Variants in LINGO2 observed in about 807,000 individuals in gnomAD.
The protein encoded by LINGO2 is leucine-rich repeat and immunoglobulin-like domain-containing nogo receptor-interacting protein 2.
Under a neutral mutation model 30.6 loss-of-function variants are expected in LINGO2, and 14 were observed. That is an observed-to-expected ratio of 0.46 (90% CI 0.30 to 0.72). The LOEUF is 0.72. Ranked by LOEUF, LINGO2 falls within the 30% of genes least tolerant of loss-of-function variation. The pLI, the probability that LINGO2 is intolerant of heterozygous loss-of-function variation, is 0.07. For missense variants in LINGO2, 729 were observed against 751.7 expected, an observed-to-expected ratio of 0.97 and a Z score of 0.35; for synonymous variants, 317 against 288.5, an observed-to-expected ratio of 1.10 and a Z score of -1.00.
the LINGO2 span, among the ~76,000 whole-genome samples, chr9:28,861,300 T>TATATATTTTATATAATATACTATATATA: frequency 2.3e-5 from 3 of 127,668 alleles, no homozygotes; most frequent in East Asian, 6.2e-4. Flanking sequence ...TTTTATATAT[T>TATATATTTTATATAATATACTATATATA]ATATATTTTA....
chr9:28,405,116 G>T (rs935962015), intron 2 of LINGO2, among the ~76,000 whole-genome samples: 1 of 151,936 alleles, frequency 6.6e-6, no homozygotes, highest in Non-Finnish European at 1.5e-5. Context: ...CCCTGCCAAG[G>T]GATCTTATTG....
chr9:28,215,516 A>C, intron 4 of LINGO2, among the ~76,000 whole-genome samples: 1 of 151,874 alleles, frequency 6.6e-6, no homozygotes, highest in East Asian at 1.9e-4. Flanking sequence ...TGTGGTGCTT[A>C]AATCACATTT....
the LINGO2 span, among the ~76,000 whole-genome samples, chr9:28,856,610 G>C: frequency 6.6e-6 from 1 of 152,022 alleles, no homozygotes; most frequent in African/African-American, 2.4e-5. Flanking sequence ...CTAGAGGAAG[G>C]ATAATGAATG....
the LINGO2 span, among the ~76,000 whole-genome samples, chr9:28,918,237 C>A: frequency 5.3e-5 from 8 of 152,040 alleles, no homozygotes; most frequent in African/African-American, 1.9e-4. Context: ...GATGCAAAAG[C>A]GGAAACCCCT....
chr9:28,391,002 C>A (rs572179948), intron 2 of LINGO2, among the ~76,000 whole-genome samples: 59 of 152,022 alleles, frequency 3.9e-4, no homozygotes, highest in African/African-American at 1.4e-3. Context: ...TGTACTGATC[C>A]AATAATACAC....
At chr9:28,145,505 A>G (rs1325301074) in intron 4 of LINGO2, among the ~76,000 whole-genome samples, 1 of 152,164 alleles carries the variant, frequency 6.6e-6, no homozygotes, top group Non-Finnish European at 1.5e-5. Context: ...TTTGATTTAT[A>G]GTTAGAGTCA....
At chr9:28,847,989 G>A in the LINGO2 span, among the ~76,000 whole-genome samples, 2 of 97,974 alleles carry the variant, frequency 2.0e-5, no homozygotes, top group African/African-American at 4.3e-5. Context: ...GTGTATATAT[G>A]TATATGTACA....
At position 28,233,118 on chromosome 9, in the gene LINGO2, ATGTGTGTGTGTATGTGTGGTCTG is replaced by A. The variant is rs796110719; in HGVS notation, c.-87+62067_-87+62089del. 4.6e-3 allele frequency among the ~76,000 whole-genome samples: 657 copies of A among 142,672 alleles called. 8 individuals are homozygous for A. Among genetic ancestry groups the A allele is most frequent in the African/African-American group, 0.017 (631 of 38,062 alleles). 93.6% of individuals were successfully genotyped at this position (142,672 alleles called of 152,430 possible). A position where few individuals can be genotyped will look rare whatever the true frequency, so the allele number is the denominator to read the frequency against. Reference sequence around the variant, plus strand: ...TAAATATATGTGTGTGGGGGGGTCTATGTGTGTGTGTATGTGTGGTCTGTGTGTGTGTGTGTGCGTATCTGTGT... The same window carrying A: ...TAAATATATGTGTGTGGGGGGGTCTATGTGTGTGTGTGTGCGTATCTGTGT... On this transcript the variant is annotated intron_variant, in intron 4 of 5. Transcript: ENST00000379992.
At chr9:28,433,749 C>T (rs1323047531) in intron 2 of LINGO2, among the ~76,000 whole-genome samples, 1 of 151,886 alleles carries the variant, frequency 6.6e-6, no homozygotes, top group Non-Finnish European at 1.5e-5. Context: ...GTGGAACTAC[C>T]ATTCCATCCA....
At chr9:28,792,492 T>C in the LINGO2 span, among the ~76,000 whole-genome samples, 45 of 152,192 alleles carry the variant, frequency 3.0e-4, no homozygotes, top group African/African-American at 1.0e-3. Flanking sequence ...CTACAGTCTG[T>C]TGTATGCATG....
At chr9:29,190,051 G>GAGGGAGT in the LINGO2 span, among the ~76,000 whole-genome samples, 5 of 141,262 alleles carry the variant, frequency 3.5e-5, no homozygotes, top group East Asian at 1.1e-3. Context: ...GGGAGAGGGA[G>GAGGGAGT]GGGGAGGGGG....
At chr9:28,607,830 T>C (rs1461078959) in intron 1 of LINGO2, among the ~76,000 whole-genome samples, 1 of 152,026 alleles carries the variant, frequency 6.6e-6, no homozygotes, top group African/African-American at 2.4e-5. Context: ...GGCCAACTTA[T>C]GTATCAAGTA....
chr9:28,589,102 C>G (rs529737170), intron 1 of LINGO2, among the ~76,000 whole-genome samples: 13 of 152,136 alleles, frequency 8.5e-5, no homozygotes, highest in East Asian at 3.9e-4. Context: ...ATTCAACAAC[C>G]CTTCATGCTA....
chr9:28,093,340 GC>G (rs1292528186), intron 4 of LINGO2, among the ~76,000 whole-genome samples: 9 of 152,056 alleles, frequency 5.9e-5, no homozygotes, highest in Admixed American at 5.9e-4. Context: ...CTGACAAGGA[GC>G]AAAGGTTTCT....
intron 2 of LINGO2, among the ~76,000 whole-genome samples, chr9:28,376,698 A>C (rs942877108): frequency 6.6e-6 from 1 of 152,196 alleles, no homozygotes; most frequent in Non-Finnish European, 1.5e-5. Flanking sequence ...GATCCCAAGT[A>C]ACTTCCCAAT....
At chr9:28,980,105 T>G in the LINGO2 span, among the ~76,000 whole-genome samples, 28 of 152,116 alleles carry the variant, frequency 1.8e-4, no homozygotes, top group Non-Finnish European at 2.5e-4. Flanking sequence ...GCAAATCCAT[T>G]TTCTGAATCC....
chr9:27,988,373 G>C (rs1276944241), intron 5 of LINGO2, among the ~76,000 whole-genome samples: 1 of 151,962 alleles, frequency 6.6e-6, no homozygotes, highest in Non-Finnish European at 1.5e-5. Context: ...CCAGTAATGG[G>C]ATGGCTGGGT....
chr9:27,955,935 C>CTTTTTTT (rs532878364), intron 5 of LINGO2, among the ~76,000 whole-genome samples: 5 of 106,772 alleles, frequency 4.7e-5, no homozygotes, highest in South Asian at 3.4e-4. Flanking sequence ...TGGATACTGA[C>CTTTTTTT]TTTTTTTTTT....
the LINGO2 span, among the ~76,000 whole-genome samples, chr9:29,079,675 C>G: frequency 6.6e-6 from 1 of 151,860 alleles, no homozygotes; most frequent in East Asian, 1.9e-4. Flanking sequence ...AGCTCCATTG[C>G]CTACAGGTCT....
Sources: allele counts gnomAD v4.1 joint callset (sites outside exome capture counted in the v4.1 genomes callset), GRCh38; gene constraint gnomAD v4.1.1; transcripts MANE v1.5; gene names NCBI Gene and HGNC (gene_info 2026-07-23, HGNC 2026-07-21).